LTN1: variants seen among roughly 807,000 people sequenced by gnomAD.
The protein encoded by LTN1 is listerin E3 ubiquitin protein ligase 1.
Under a neutral mutation model 201.2 loss-of-function variants are expected in LTN1, and 88 were observed. The ratio of observed to expected loss-of-function variants is 0.44; its 90% CI spans 0.37 to 0.52. The LOEUF is 0.52. Ranked by LOEUF, LTN1 falls within the 20% of genes least tolerant of loss-of-function variation. The pLI is 0.00. For synonymous variants in LTN1, 645 were observed against 713.5 expected (o/e 0.90, Z 1.53); for missense variants, 1,752 against 2,038.7 (o/e 0.86, Z 2.71).
chr21:28,981,436 C>T (rs2084658060), intron 5 of LTN1, 137 bp from the exon 6 acceptor site: 1 of 453,848 alleles, frequency 2.2e-6, no homozygotes, highest in Admixed American at 4.1e-5. Flanking sequence ...TCCCCTGTGC[C>T]AACGCCCCTC....
At chr21:28,992,425 C>A (rs149224959) in intron 1 of LTN1, among the ~76,000 whole-genome samples, 29 of 152,312 alleles carry the variant, frequency 1.9e-4, no homozygotes, top group African/African-American at 7.0e-4. Context: ...TCCCAACTCT[C>A]CTTCTTCCCA....
intron 3 of LTN1, among the ~76,000 whole-genome samples, chr21:28,985,156 C>T (rs191867381): frequency 3.9e-5 from 6 of 152,188 alleles, no homozygotes; most frequent in African/African-American, 1.4e-4. Flanking sequence ...GTATTCAAGA[C>T]AGATTCAAAG....
At chr21:28,942,193 C>T (rs1028281960) in intron 24 of LTN1, among the ~76,000 whole-genome samples, 2 of 152,142 alleles carry the variant, frequency 1.3e-5, no homozygotes, top group Admixed American at 1.3e-4. Context: ...TCCTTCAACA[C>T]CTCCATCTCA....
Position 28,986,807 on chromosome 21 carries a change from A to G in LTN1, c.170T>C (p.Ile57Thr), listed in dbSNP as rs1361439573. 4 of 1,614,048 alleles carry G rather than the reference A, an allele frequency of 2.5e-6. No homozygotes were observed. Among genetic ancestry groups the G allele is most frequent in the Admixed American group, 1.7e-5 (1 of 60,014 alleles). ...GAAATCAGAATCTACAAGACTGTCA[A>G]TTTCTTCAGCTCCTTGAATAGCAGG... ...YVPAIQGAEE[I>T]DSLVDSDFRM... Residue 57 changes from isoleucine (I) to threonine (T), a missense_variant, in exon 2 of 30, where the codon ATT becomes ACT. Physicochemically the swap from Ile to Thr is moderately conservative, Grantham distance 89. Coordinates refer to ENST00000361371, the MANE Select transcript of LTN1 (RefSeq NM_015565.3). The surrounding 1 kb of genome is among the most constrained non-coding windows in gnomAD (Gnocchi z 4.1).
At chr21:28,954,892 C>G (rs1293940803) in intron 16 of LTN1, among the ~76,000 whole-genome samples, 1 of 152,116 alleles carries the variant, frequency 6.6e-6, no homozygotes, top group Non-Finnish European at 1.5e-5. Flanking sequence ...ATTTTTATGG[C>G]TAAGACTTCA....
chr21:28,954,810 C>T (rs1424344768), intron 16 of LTN1, among the ~76,000 whole-genome samples: 1 of 152,120 alleles, frequency 6.6e-6, no homozygotes, highest in Non-Finnish European at 1.5e-5. Flanking sequence ...GAGACTTAAA[C>T]CTAAGAACTG....
chr21:28,947,502 A>T lies in LTN1; in HGVS notation c.3449T>A (p.Leu1150His). 1 of 1,569,096 alleles carries T rather than the reference A, an allele frequency of 6.4e-7. No individual in the cohort carries two copies. The highest frequency in any genetic ancestry group is 8.6e-7 in the Non-Finnish European group (1 of 1,160,416). Residue 1150 changes from leucine (L) to histidine (H), a missense_variant, in exon 19 of 30, where the codon CTT becomes CAT. This residue lies in a region of LTN1 where 1,211 missense variants were observed against 1,312.8 expected (regional missense o/e 0.92). Coordinates refer to ENST00000361371, the MANE Select transcript of LTN1 (RefSeq NM_015565.3). ...AAGATCTTTCTTAGTCCAGCCCAAAAGAGCAGGTATACATTGAGCACTAAA... is the reference window on the plus strand; with the variant it reads ...AAGATCTTTCTTAGTCCAGCCCAAATGAGCAGGTATACATTGAGCACTAAA... ...KEFSAQCIPA[L>H]LGWTKKDLCS...
Position 28,930,422 on chromosome 21 carries a change from A to C in LTN1, c.*26T>G, listed in dbSNP as rs747586027. The C allele has an allele frequency of 2.7e-5, 43 of 1,573,854 alleles. No homozygotes were observed. Among genetic ancestry groups the C allele is most frequent in the Non-Finnish European group, 3.4e-5 (39 of 1,145,094 alleles). ...CCAATGCCTTTGTTTGATGTACTTC[A>C]GGGATCCCTTCCAGTGAAAAAAATC... On this transcript the variant is annotated 3_prime_UTR_variant, in exon 30 of 30. Coordinates refer to ENST00000361371, the MANE Select transcript of LTN1 (RefSeq NM_015565.3).
At position 28,932,584 on chromosome 21, in the gene LTN1, C is replaced by A; in HGVS notation, c.4956G>T (p.Leu1652=). 6.2e-7 allele frequency: 1 copy of A among 1,613,360 alleles called. No homozygotes were observed. Among genetic ancestry groups the A allele is most frequent in the Non-Finnish European group, 8.5e-7 (1 of 1,179,322 alleles). Residue 1652 remains leucine, a synonymous_variant, in exon 28 of 30, where the codon CTG becomes CTT. Coordinates refer to ENST00000361371, the MANE Select transcript of LTN1 (RefSeq NM_015565.3). The stretch of plus-strand genomic sequence containing the variant: ...TTGAACCCAGTGGATAATTTGAAGG[C>A]AGTTGTATTATAAGTTCAATAACTA... The part of the protein sequence containing the change: ...EDIVIELIIQ[L]PSNYPLGSII...
At position 28,940,931 on chromosome 21, in the gene LTN1, A is replaced by T. The variant is rs1008809435; in HGVS notation, c.4482+289T>A. On this transcript the variant is annotated intron_variant, in intron 25 of 29. Transcript: ENST00000361371. ...GGTGAAACCCCATCTCTACAAAAAT[A>T]TAAAAATTAGCCAGGCATGGTGGCT... Among the ~76,000 whole-genome samples, 12 of 152,294 alleles carry T rather than the reference A, an allele frequency of 7.9e-5. No individual in the cohort carries two copies. In the South Asian group the frequency reaches 1.7e-3, roughly 21 times the overall value.
rs2084566386 is a variant in LTN1 at position 28,970,632 on chromosome 21, T to C, written c.1095A>G (p.Pro365=). Residue 365 remains proline, a synonymous_variant, in exon 8 of 30, where the codon CCA becomes CCG. Coordinates refer to ENST00000361371, the MANE Select transcript of LTN1 (RefSeq NM_015565.3). ...TGGACTGAGGGAGCTTGCTGATGAA[T>C]GGCAGAAGGTAAGGATATATGACAG... ...LATVIYPYLL[P]FISKLPQSIT... is the part of the protein sequence containing the mutation. 6.2e-7 allele frequency: 1 copy of C among 1,613,876 alleles called. No homozygotes were observed. Among genetic ancestry groups the C allele is most frequent in the Non-Finnish European group, 8.5e-7 (1 of 1,179,904 alleles).
intron 16 of LTN1, among the ~76,000 whole-genome samples, chr21:28,955,922 CAAAA>C (rs772350234): frequency 2.3e-4 from 16 of 69,628 alleles, no homozygotes; most frequent in Admixed American, 3.6e-4. Flanking sequence ...GACTCTGTCT[CAAAA>C]AAAAAAAAAA....
rs141977487 is a variant in LTN1 at position 28,988,421 on chromosome 21, T to C, written c.43-1487A>G. On this transcript the variant is annotated intron_variant, in intron 1 of 29. Transcript: ENST00000361371. ...GGCTGAGGTTGCAGTGAGTCAAGATTGTGCTACTGCACTCCACCCAGGGCA... is the reference window on the plus strand; with the variant it reads ...GGCTGAGGTTGCAGTGAGTCAAGATCGTGCTACTGCACTCCACCCAGGGCA... Among the ~76,000 whole-genome samples the C allele has an allele frequency of 6.4e-3, 960 of 150,910 alleles. 9 individuals carry two copies. Among genetic ancestry groups the C allele is most frequent in the Non-Finnish European group, 0.01 (703 of 67,810 alleles).
chr21:28,952,796 T>C (rs955356695), intron 17 of LTN1, among the ~76,000 whole-genome samples: 2 of 152,210 alleles, frequency 1.3e-5, no homozygotes, highest in Non-Finnish European at 2.9e-5. Flanking sequence ...ATCTTACTAC[T>C]ACAACCTCTA....
At chr21:28,984,100 A>T (rs1334642500) in intron 4 of LTN1, among the ~76,000 whole-genome samples, 1 of 152,198 alleles carries the variant, frequency 6.6e-6, no homozygotes, top group Non-Finnish European at 1.5e-5. Flanking sequence ...ATTATAAAAA[A>T]TTTTAATGTT....
chr21:28,967,440 G>C (rs2084535889), intron 9 of LTN1, among the ~76,000 whole-genome samples: 1 of 152,146 alleles, frequency 6.6e-6, no homozygotes, highest in African/African-American at 2.4e-5. Flanking sequence ...CTGATCACCA[G>C]TGGCAATTAC....
chr21:28,958,581 T>C, intron 13 of LTN1, 42 bp from the exon 14 acceptor site: 1 of 1,425,126 alleles, frequency 7.0e-7, no homozygotes, highest in East Asian at 2.4e-5. Flanking sequence ...TCTCACTGAA[T>C]TAACTCTCAT....
Position 28,947,263 on chromosome 21 carries a change from G to A in LTN1, c.3487+201C>T, listed in dbSNP as rs1035719151. ...AAATGGTTAGAAGGTATTTCTGGGCGTAAGTCTTCCCTTAAGGCCCAGCAT... is the reference window on the plus strand; with the variant it reads ...AAATGGTTAGAAGGTATTTCTGGGCATAAGTCTTCCCTTAAGGCCCAGCAT... On this transcript the variant is annotated intron_variant, in intron 19 of 29. Coordinates refer to ENST00000361371, the MANE Select transcript of LTN1 (RefSeq NM_015565.3). 7.9e-5 allele frequency among the ~76,000 whole-genome samples: 12 copies of A among 152,254 alleles called. No homozygotes were observed. In the South Asian group the frequency reaches 1.4e-3, roughly 18 times the overall value.
Position 28,943,725 on chromosome 21 carries a change from G to C in LTN1, c.4162C>G (p.Pro1388Ala). The C allele has an allele frequency of 6.2e-7, 1 of 1,613,730 alleles. No homozygotes were observed. The highest frequency in any genetic ancestry group is 1.7e-4 in the Middle Eastern group (1 of 6,056). Residue 1388 changes from proline to alanine, a missense_variant, in exon 23 of 30, where the codon CCA becomes GCA. Pro to Ala is a conservative substitution (Grantham distance 27). Around this residue, in one of 3 missense-constraint regions of LTN1, gnomAD observed 1,211 missense variants for 1,312.8 expected, o/e 0.92. Coordinates refer to ENST00000361371, the MANE Select transcript of LTN1 (RefSeq NM_015565.3). ...YLQTLLNTLA[P>A]LLLFRARPVQ... is the part of the protein sequence containing the mutation. ...GGCCTAGCTCTGAAGAGGAGTAATG[G>C]GGCCAATGTATTTAACAAAGTCTGG...
Sources: gnomAD v4.1 joint callset for allele counts (sites outside exome capture counted in the v4.1 genomes callset) on GRCh38, gnomAD v4.1.1 for gene constraint, gnomAD v4.1.1 regional missense constraint, Gnocchi (gnomAD v3.1) non-coding constraint, MANE v1.5 for transcripts, NCBI Gene and HGNC (gene_info 2026-07-23, HGNC 2026-07-21) for gene names.